FSTL5: variants seen among roughly 807,000 people sequenced by gnomAD.
FSTL5 encodes follistatin like 5, also known as follistatin-related protein 5.
Under a neutral mutation model 89.1 loss-of-function variants are expected in FSTL5, and 62 were observed. The observed-to-expected ratio is 0.70, with a 90% CI of 0.57 to 0.86. The LOEUF is 0.86. FSTL5 is among the 40% of genes least tolerant of loss of function. The probability of loss-of-function intolerance (pLI) is 0.00; values close to 1 mark genes in which losing one functional copy is unlikely to be tolerated. For missense variants in FSTL5, 1,057 were observed against 1,001.6 expected (o/e 1.06, Z -0.75); for synonymous variants, 383 against 346.2 (o/e 1.11, Z -1.18).
At chr4:161,417,883 A>G (rs988929289) in intron 15 of FSTL5, among the ~76,000 whole-genome samples, 1 of 152,246 alleles carries the variant, frequency 6.6e-6, no homozygotes, top group Non-Finnish European at 1.5e-5. Context: ...TTCCATTGGA[A>G]AATGAACAAT....
chr4:161,987,205 T>A (rs893670741), intron 3 of FSTL5, among the ~76,000 whole-genome samples: 6 of 152,140 alleles, frequency 3.9e-5, no homozygotes, highest in African/African-American at 4.8e-5. Flanking sequence ...CCTGCTCCCT[T>A]TCTTTTTTTG....
At chr4:162,108,640 TAAA>T (rs1184736828) in intron 2 of FSTL5, among the ~76,000 whole-genome samples, 3 of 151,906 alleles carry the variant, frequency 2.0e-5, no homozygotes, top group Non-Finnish European at 2.9e-5. Flanking sequence ...TCATATAGGT[TAAA>T]AATAATGAAT....
intron 6 of FSTL5, among the ~76,000 whole-genome samples, chr4:161,714,665 C>A (rs1384901776): frequency 1.3e-5 from 2 of 152,244 alleles, no homozygotes; most frequent in South Asian, 4.1e-4. Context: ...ACATACTAAC[C>A]AATCTCTTCT....
chr4:161,856,812 T>C (rs1359054140), intron 4 of FSTL5, among the ~76,000 whole-genome samples: 2 of 151,986 alleles, frequency 1.3e-5, no homozygotes, highest in Admixed American at 1.3e-4. Flanking sequence ...AAGGAAATCA[T>C]GGATGAGTTG....
At chr4:162,006,792 A>G (rs1736628938) in intron 3 of FSTL5, among the ~76,000 whole-genome samples, 2 of 151,940 alleles carry the variant, frequency 1.3e-5, no homozygotes, top group Non-Finnish European at 2.9e-5. Flanking sequence ...GAAAATATAA[A>G]CCAGTTCCAA....
intron 4 of FSTL5, among the ~76,000 whole-genome samples, chr4:161,821,566 C>A (rs935704431): frequency 1.3e-5 from 2 of 152,250 alleles, no homozygotes; most frequent in South Asian, 4.1e-4. Flanking sequence ...ATCCCTCACC[C>A]TCCTCCCACA....
chr4:161,663,465 C>A lies in FSTL5; in HGVS notation c.728-6971G>T, dbSNP rs557348869. 2.6e-5 allele frequency among the ~76,000 whole-genome samples: 4 copies of A among 152,214 alleles called. No individual in the cohort carries two copies. The Middle Eastern group carries it at 0.014, about 518-fold the overall frequency. On this transcript the variant is annotated intron_variant, in intron 6 of 15. Transcript: ENST00000306100. Reference sequence around the variant, plus strand: ...CATAAAAGTCCAAAATCCAGGGGGCCAGTCACATTTTAAAGCTCCAAAATG... The same window carrying A: ...CATAAAAGTCCAAAATCCAGGGGGCAAGTCACATTTTAAAGCTCCAAAATG...
At chr4:161,690,658 A>G (rs1737906610) in intron 6 of FSTL5, among the ~76,000 whole-genome samples, 1 of 152,038 alleles carries the variant, frequency 6.6e-6, no homozygotes, top group Admixed American at 6.6e-5. Context: ...AGGTTTTTAT[A>G]ACTTTTATTT....
chr4:161,710,450 G>A (rs189583799), intron 6 of FSTL5, among the ~76,000 whole-genome samples: 1 of 152,180 alleles, frequency 6.6e-6, no homozygotes, highest in Non-Finnish European at 1.5e-5. Flanking sequence ...ATCTGGTTTG[G>A]CTTTAGATTT....
At chr4:161,823,087 T>G (rs1295760367) in intron 4 of FSTL5, among the ~76,000 whole-genome samples, 4 of 152,126 alleles carry the variant, frequency 2.6e-5, no homozygotes, top group Admixed American at 2.0e-4. Context: ...AGGGAGGAAG[T>G]GCATGCTGAC....
At chr4:162,025,738 A>G (rs1446227056) in intron 3 of FSTL5, among the ~76,000 whole-genome samples, 1 of 152,056 alleles carries the variant, frequency 6.6e-6, no homozygotes, top group Non-Finnish European at 1.5e-5. Context: ...ATTATTTAAA[A>G]GGGATATTAT....
chr4:161,476,173 G>GTTTTTTTTTTTTTTTTT lies in FSTL5; in HGVS notation c.1608+4846_1608+4847insAAAAAAAAAAAAAAAAA, dbSNP rs1231231673. 9.7e-3 allele frequency among the ~76,000 whole-genome samples: 783 copies of GTTTTTTTTTTTTTTTTT among 80,470 alleles called. 10 individuals carry two copies. Among genetic ancestry groups the GTTTTTTTTTTTTTTTTT allele is most frequent in the Middle Eastern group, 0.013 (1 of 76 alleles). 52.8% of individuals were successfully genotyped at this position (80,470 alleles called of 152,430 possible). A position where few individuals can be genotyped will look rare whatever the true frequency, so the allele number is the denominator to read the frequency against. On this transcript the variant is annotated intron_variant, in intron 13 of 15. Transcript: ENST00000306100. ...TTCTTCTCCTTCTTCAAGTTTGCTGGTTTTTTTTTTTTTTTGTTTGTTTGT... is the reference window on the plus strand; with the variant it reads ...TTCTTCTCCTTCTTCAAGTTTGCTGGTTTTTTTTTTTTTTTTTTTTTTTTTTTTTTTTGTTTGTTTGT...
At position 161,455,039 on chromosome 4, in the gene FSTL5, G is replaced by GA; in HGVS notation, c.1805dup (p.Ile603HisfsTer19). On this transcript the variant is annotated frameshift_variant, in exon 15 of 16. Transcript: ENST00000306100. LOFTEE classifies it low-confidence loss of function (END_TRUNC). ...TGATAATGAGTGTTGTGGTGGGAATGAAAAAATCATCCACTCTGTCAAATT... is the reference window on the plus strand; with the variant it reads ...TGATAATGAGTGTTGTGGTGGGAATGAAAAAAATCATCCACTCTGTCAAATT... The GA allele has an allele frequency of 1.9e-6, 3 of 1,613,470 alleles. No homozygotes were observed. Among genetic ancestry groups the GA allele is most frequent in the Non-Finnish European group, 2.5e-6 (3 of 1,179,694 alleles).
chr4:162,083,904 G>A (rs1433981926), intron 2 of FSTL5, among the ~76,000 whole-genome samples: 1 of 151,698 alleles, frequency 6.6e-6, no homozygotes, highest in Non-Finnish European at 1.5e-5. Context: ...TGACTGGCAT[G>A]ACTACCAATG....
chr4:162,127,367 T>C (rs1322190225), intron 1 of FSTL5, among the ~76,000 whole-genome samples: 1 of 152,204 alleles, frequency 6.6e-6, no homozygotes, highest in African/African-American at 2.4e-5. Context: ...TGTTCTGTTT[T>C]AAAATTGCTG....
intron 1 of FSTL5, among the ~76,000 whole-genome samples, chr4:162,143,746 A>C (rs12054650): frequency 0.15 from 733 of 4,914 alleles, 7 homozygotes; most frequent in Middle Eastern, 0.25. Flanking sequence ...ACACACACAC[A>C]CACCCAGGAA....
chr4:161,401,022 G>T (rs1731162868), intron 15 of FSTL5, among the ~76,000 whole-genome samples: 1 of 152,022 alleles, frequency 6.6e-6, no homozygotes, highest in Admixed American at 6.5e-5. Context: ...AACAATATTT[G>T]ATGATTTCCA....
At chr4:161,531,965 G>A (rs1003697651) in intron 10 of FSTL5, among the ~76,000 whole-genome samples, 1 of 152,120 alleles carries the variant, frequency 6.6e-6, no homozygotes, top group African/African-American at 2.4e-5. Flanking sequence ...AGCACTTTGG[G>A]AGGCCGAGAC....
intron 3 of FSTL5, among the ~76,000 whole-genome samples, chr4:162,028,474 G>A (rs1737387239): frequency 6.6e-6 from 1 of 152,260 alleles, no homozygotes; most frequent in Admixed American, 6.5e-5. Context: ...CTACTCACAA[G>A]ACTGAGGCAA....
Sources: allele counts gnomAD v4.1 joint callset (sites outside exome capture counted in the v4.1 genomes callset), GRCh38; gene constraint gnomAD v4.1.1; transcripts MANE v1.5; gene names NCBI Gene and HGNC (gene_info 2026-07-23, HGNC 2026-07-21).